PCDHGA2: variants seen among roughly 807,000 people sequenced by gnomAD.
PCDHGA2 encodes protocadherin gamma subfamily A, 2.
Under a neutral mutation model 59.2 loss-of-function variants are expected in PCDHGA2, and 40 were observed. The ratio of observed to expected loss-of-function variants is 0.68; its 90% CI spans 0.52 to 0.88. PCDHGA2 has a LOEUF of 0.88. Among genes scored for constraint, PCDHGA2 ranks in the 40% least tolerant of loss-of-function variants. PCDHGA2 has a pLI of 0.00. For missense variants in PCDHGA2, 1,226 were observed against 1,204.0 expected (o/e 1.02, Z -0.27); for synonymous variants, 560 against 526.0 (o/e 1.06, Z -0.89).
chr5:141,365,620 G>T, intron 1 of PCDHGA2: 1 of 1,613,368 alleles, frequency 6.2e-7, no homozygotes, highest in Middle Eastern at 1.6e-4. Context: ...ATGGAACCCC[G>T]CCCCTCTCTA....
At chr5:141,444,813 T>A (rs1382814369) in intron 1 of PCDHGA2, among the ~76,000 whole-genome samples, 3 of 152,228 alleles carry the variant, frequency 2.0e-5, no homozygotes, top group African/African-American at 4.8e-5. Flanking sequence ...AATAGCACAC[T>A]GTCTCAATTA....
rs762801084 is a variant in PCDHGA2, at chr5:141,389,853, A to T, written c.2424+48458A>T. 5 of 1,614,050 alleles carry T rather than the reference A, an allele frequency of 3.1e-6. No homozygotes were observed. In the South Asian group the frequency reaches 5.5e-5, roughly 18 times the overall value. On this transcript the variant is annotated intron_variant, in intron 1 of 3. Transcript: ENST00000394576. The stretch of plus-strand genomic sequence containing the variant: ...ACAGCCACCACTCTCGGCCACTGCC[A>T]CGTTGCACCTGGTCTTCGCCGACAG...
rs1170396854 is a variant in PCDHGA2 at position 141,341,092 on chromosome 5, C to T, written c.2121C>T (p.Phe707=). 6 of 1,614,232 alleles carry T rather than the reference C, an allele frequency of 3.7e-6. No individual in the cohort carries two copies. Among genetic ancestry groups the T allele is most frequent in the Non-Finnish European group, 5.1e-6 (6 of 1,180,050 alleles). The change falls in exon 1 of 4, where the codon TTC becomes TTT. Residue 707 remains phenylalanine, a synonymous_variant. Coordinates refer to ENST00000394576, the MANE Select transcript of PCDHGA2 (RefSeq NM_018915.4). ...VAAVSCVFLA[F]VIVLLAHRLR... The stretch of plus-strand genomic sequence containing the variant: ...CGGTCTCCTGCGTCTTCCTGGCCTT[C>T]GTCATCGTGTTGCTGGCGCACAGGC...
chr5:141,500,460 C>T (rs1421637554), intron 2 of PCDHGA2, among the ~76,000 whole-genome samples: 2 of 152,234 alleles, frequency 1.3e-5, no homozygotes, highest in South Asian at 2.1e-4. Context: ...CCGCCCGCCT[C>T]GGCCTCCCAA....
chr5:141,352,821 C>G, intron 1 of PCDHGA2: 2 of 796,944 alleles, frequency 2.5e-6, no homozygotes, highest in Non-Finnish European at 3.9e-6. Context: ...AAAACCCGGT[C>G]TACTAAAATT....
At chr5:141,430,425 A>G (rs1298131518) in intron 1 of PCDHGA2, among the ~76,000 whole-genome samples, 3 of 152,076 alleles carry the variant, frequency 2.0e-5, no homozygotes, top group Non-Finnish European at 4.4e-5. Context: ...TAAAGCGAAT[A>G]CGGTAGATTT....
intron 1 of PCDHGA2, among the ~76,000 whole-genome samples, chr5:141,488,613 A>C (rs1214413025): frequency 1.3e-5 from 2 of 152,158 alleles, no homozygotes; most frequent in Non-Finnish European, 2.9e-5. Flanking sequence ...GTTCTTACTA[A>C]TCTTTTCTCT....
chr5:141,399,708 A>G lies in PCDHGA2; in HGVS notation c.2424+58313A>G, dbSNP rs769072460. On this transcript the variant is annotated intron_variant, in intron 1 of 3. Transcript: ENST00000394576. ...AGCAGCTGCGCACCTTCGAACTCAC[A>G]CTACAGGCCCGCGACCAGGGCTCGC... 5.6e-6 allele frequency: 9 copies of G among 1,613,256 alleles called. No homozygotes were observed. In the African/African-American group the frequency reaches 8.0e-5, roughly 14 times the overall value.
chr5:141,375,123 T>C, intron 1 of PCDHGA2: 2 of 1,613,914 alleles, frequency 1.2e-6, no homozygotes. Context: ...GTACCAGAAG[T>C]GGTTGTTACA....
intron 1 of PCDHGA2, chr5:141,357,164 C>T (rs776850117): frequency 1.6e-5 from 26 of 1,613,508 alleles, no homozygotes; most frequent in East Asian, 1.1e-4. Flanking sequence ...CCCCCTCTCT[C>T]GGCCACCGTC....
intron 1 of PCDHGA2, chr5:141,418,301 C>T: frequency 6.2e-7 from 1 of 1,613,980 alleles, no homozygotes; most frequent in South Asian, 1.1e-5. Context: ...ATCCGTCAGC[C>T]TGGGGATGGG....
chr5:141,409,990 C>A (rs377295503), intron 1 of PCDHGA2: 26 of 1,613,278 alleles, frequency 1.6e-5, no homozygotes, highest in Non-Finnish European at 2.2e-5. Flanking sequence ...CGGTGGACGC[C>A]GACTCGGGAC....
intron 1 of PCDHGA2, chr5:141,409,000 C>CACTG: frequency 6.2e-7 from 1 of 1,613,950 alleles, no homozygotes; most frequent in Non-Finnish European, 8.5e-7. Flanking sequence ...AAGTGACAGC[C>CACTG]ACTGACCAGG....
In PCDHGA2 at chr5:141,423,390, T is replaced by C. The variant is rs751337994; in HGVS notation, c.2425-71417T>C. ...TGGCACTCAGGCTGTGGCGCTGGCATAAGTCACGCCTGCTGCAGGCTTCTG... is the reference window on the plus strand; with the variant it reads ...TGGCACTCAGGCTGTGGCGCTGGCACAAGTCACGCCTGCTGCAGGCTTCTG... On this transcript the variant is annotated intron_variant, in intron 1 of 3. Coordinates refer to ENST00000394576, the MANE Select transcript of PCDHGA2 (RefSeq NM_018915.4). 2.5e-6 allele frequency: 4 copies of C among 1,614,144 alleles called. No homozygotes were observed. In the South Asian group the frequency reaches 3.3e-5, roughly 13 times the overall value.
intron 1 of PCDHGA2, chr5:141,351,280 C>T: frequency 1.2e-6 from 2 of 1,613,752 alleles, no homozygotes; most frequent in Non-Finnish European, 1.7e-6. Context: ...ATGACAATGC[C>T]CCAGAGGTGA....
intron 1 of PCDHGA2, chr5:141,342,898 G>A (rs1757224580): frequency 6.6e-6 from 1 of 152,120 alleles, no homozygotes; most frequent in Non-Finnish European, 1.5e-5. Context: ...TTAAACAAAG[G>A]AAACTTCTTT....
At chr5:141,375,806 G>C (rs1223554303) in intron 1 of PCDHGA2, 1 of 1,614,088 alleles carries the variant, frequency 6.2e-7, no homozygotes, top group African/African-American at 1.3e-5. Context: ...TTCCACTGGC[G>C]TGGAGCTGGC....
At position 141,431,776 on chromosome 5, in the gene PCDHGA2, C is replaced by A; in HGVS notation, c.2425-63031C>A. Reference sequence around the variant, plus strand: ...CCAAAGTCCTGATCACTGTTCTGGACGTGAACGACAATGCCCCAGAAGTGG... The same window carrying A: ...CCAAAGTCCTGATCACTGTTCTGGAAGTGAACGACAATGCCCCAGAAGTGG... On this transcript the variant is annotated intron_variant, in intron 1 of 3. Coordinates refer to ENST00000394576, the MANE Select transcript of PCDHGA2 (RefSeq NM_018915.4). The surrounding 1 kb of genome is among the most constrained non-coding windows in gnomAD (Gnocchi z 4.8). The A allele has an allele frequency of 6.2e-7, 1 of 1,614,228 alleles. No homozygotes were observed. The highest frequency in any genetic ancestry group is 8.5e-7 in the Non-Finnish European group (1 of 1,180,044).
chr5:141,436,140 A>G (rs1324666699), intron 1 of PCDHGA2, among the ~76,000 whole-genome samples: 2 of 152,224 alleles, frequency 1.3e-5, no homozygotes, highest in Non-Finnish European at 2.9e-5. Flanking sequence ...TCTTGTATGA[A>G]CTACCAAAAT....
Sources: allele counts gnomAD v4.1 joint callset (sites outside exome capture counted in the v4.1 genomes callset), GRCh38; gene constraint gnomAD v4.1.1; non-coding constraint Gnocchi (gnomAD v3.1); transcripts MANE v1.5; gene names NCBI Gene and HGNC (gene_info 2026-07-23, HGNC 2026-07-21).